Variants in RAP1A observed in about 807,000 individuals in gnomAD.
The protein encoded by RAP1A is ras-related protein Rap-1A.
Under a neutral mutation model 26.4 loss-of-function variants are expected in RAP1A, and 6 were observed. That is an observed-to-expected ratio of 0.23 (90% CI 0.12 to 0.45). The LOEUF is 0.45. Among genes scored for constraint, RAP1A ranks in the 20% least tolerant of loss-of-function variants. The pLI, the probability that RAP1A is intolerant of heterozygous loss-of-function variation, is 0.99. For missense variants in RAP1A, 121 were observed against 217.2 expected (o/e 0.56, Z 2.78); for synonymous variants, 73 against 79.4 (o/e 0.92, Z 0.43).
At chr1:111,577,229 C>G (rs1487125963) in intron 1 of RAP1A, among the ~76,000 whole-genome samples, 1 of 151,628 alleles carries the variant, frequency 6.6e-6, no homozygotes, top group African/African-American at 2.4e-5. Flanking sequence ...ATGGCAAAAC[C>G]CTGTCCGTAC....
chr1:111,597,048 T>G (rs1274636227), intron 1 of RAP1A, among the ~76,000 whole-genome samples: 1 of 152,170 alleles, frequency 6.6e-6, no homozygotes, highest in African/African-American at 2.4e-5. Context: ...TGCATATAAA[T>G]GTATTCCTCA....
At chr1:111,648,206 T>TGTGTG (rs773470455) in intron 1 of RAP1A, 63 of 142,584 alleles carry the variant, frequency 4.4e-4, no homozygotes, top group East Asian at 3.0e-3. Context: ...TGTGTGTGTA[T>TGTGTG]TTTTTTTTTT....
chr1:111,542,698 T>A (rs1162116618), intron 1 of RAP1A, among the ~76,000 whole-genome samples: 1 of 3,556 alleles, frequency 2.8e-4, no homozygotes, highest in Non-Finnish European at 0.024. Flanking sequence ...TTGTTTTTGT[T>A]TTTTTTTTCT....
At chr1:111,648,197 G>A (rs367571719) in intron 1 of RAP1A, 1 of 319,138 alleles carries the variant, frequency 3.1e-6, no homozygotes, top group African/African-American at 6.7e-5. Context: ...GTGTGTGTGT[G>A]TGTGTGTATT....
chr1:111,627,424 T>C (rs1304122146), intron 1 of RAP1A: 2 of 152,160 alleles, frequency 1.3e-5, no homozygotes, highest in Non-Finnish European at 2.9e-5. Flanking sequence ...ACATTTTTTG[T>C]ACATGTATCT....
At chr1:111,616,453 T>C (rs1250264757), upstream of RAP1A, among the ~76,000 whole-genome samples, 1 of 152,198 alleles carries the variant, frequency 6.6e-6, no homozygotes, top group Non-Finnish European at 1.5e-5. Context: ...TCACAGATGC[T>C]TTGTGCTTCC....
chr1:111,618,299 G>A (rs1659057909), upstream of RAP1A, among the ~76,000 whole-genome samples: 1 of 152,150 alleles, frequency 6.6e-6, no homozygotes, highest in South Asian at 2.1e-4. Context: ...GCCACATCCA[G>A]TGTTCAAATT....
intron 1 of RAP1A, among the ~76,000 whole-genome samples, chr1:111,664,833 C>G (rs971069613): frequency 6.6e-6 from 1 of 152,152 alleles, no homozygotes; most frequent in East Asian, 1.9e-4. Flanking sequence ...GCCTTGTAAG[C>G]TTATTGTGAG....
chr1:111,711,613 A>G (rs1026004216), intron 7 of RAP1A, among the ~76,000 whole-genome samples: 3 of 152,242 alleles, frequency 2.0e-5, no homozygotes, highest in African/African-American at 4.8e-5. Flanking sequence ...TGACTTAGCA[A>G]TCAGACTGCT....
chr1:111,697,571 T>C, intron 4 of RAP1A, 74 bp downstream of exon 4: 1 of 1,582,722 alleles, frequency 6.3e-7, no homozygotes, highest in South Asian at 1.2e-5. Flanking sequence ...GGTTTTGTCA[T>C]CCAGATAATT....
chr1:111,579,361 GT>G (rs1658207359), intron 1 of RAP1A, among the ~76,000 whole-genome samples: 1 of 152,146 alleles, frequency 6.6e-6, no homozygotes, highest in Non-Finnish European at 1.5e-5. Context: ...AATTCTAGGG[GT>G]TTTAGAAGCT....
chr1:111,572,738 T>C (rs772621622), intron 1 of RAP1A, among the ~76,000 whole-genome samples: 1 of 152,172 alleles, frequency 6.6e-6, no homozygotes, highest in Admixed American at 6.5e-5. Flanking sequence ...GACACAGAAC[T>C]TTCTCTTTTT....
chr1:111,678,968 C>G (rs1406007529), intron 1 of RAP1A, among the ~76,000 whole-genome samples: 1 of 151,540 alleles, frequency 6.6e-6, no homozygotes, highest in East Asian at 1.9e-4. Context: ...CATATTGATA[C>G]AATAAAAAGA....
In RAP1A at chr1:111,697,513, C is replaced by T. The variant is rs529673660; in HGVS notation, c.183+16C>T. ...TGCAGGGACAGTAAGGATGTTTTCT[C>T]TTTTTTTGATAGATTTTAATTTGTG... On this transcript the variant is annotated intron_variant, in intron 4 of 7. Coordinates refer to ENST00000369709, the MANE Select transcript of RAP1A (RefSeq NM_002884.4). The T allele has an allele frequency of 4.9e-5, 79 of 1,606,480 alleles. No individual in the cohort carries two copies. The South Asian group carries it at 8.5e-4, about 17-fold the overall frequency.
upstream of RAP1A, among the ~76,000 whole-genome samples, chr1:111,614,884 A>C (rs1216720124): frequency 1.3e-5 from 2 of 152,216 alleles, no homozygotes; most frequent in Non-Finnish European, 2.9e-5. Flanking sequence ...ATGAGAATAA[A>C]ATGAATACAC....
chr1:111,573,455 C>T (rs939031325), intron 1 of RAP1A, among the ~76,000 whole-genome samples: 2 of 152,120 alleles, frequency 1.3e-5, no homozygotes, highest in Non-Finnish European at 1.5e-5. Flanking sequence ...CTGCTTCAGC[C>T]TCCAGAGTAG....
At chr1:111,603,663 T>C (rs1369790457) in intron 1 of RAP1A, among the ~76,000 whole-genome samples, 6 of 152,230 alleles carry the variant, frequency 3.9e-5, no homozygotes, top group South Asian at 2.1e-4. Context: ...ACCAGTTGTG[T>C]TGGAATACGA....
chr1:111,659,421 TGGG>T (rs200102287), intron 1 of RAP1A, among the ~76,000 whole-genome samples: 1 of 152,036 alleles, frequency 6.6e-6, no homozygotes, highest in Non-Finnish European at 1.5e-5. Context: ...AAACTATGGA[TGGG>T]GGGGTCTACT....
chr1:111,688,470 C>T (rs1193656680), intron 1 of RAP1A, among the ~76,000 whole-genome samples: 1 of 151,904 alleles, frequency 6.6e-6, no homozygotes, highest in Non-Finnish European at 1.5e-5. Flanking sequence ...CAGGCTCACA[C>T]CACCACGCCC....
Sources: gnomAD v4.1 joint callset for allele counts (sites outside exome capture counted in the v4.1 genomes callset) on GRCh38, gnomAD v4.1.1 for gene constraint, MANE v1.5 for transcripts, NCBI Gene and HGNC (gene_info 2026-07-23, HGNC 2026-07-21) for gene names.